NCAM1: variants seen among roughly 807,000 people sequenced by gnomAD.
NCAM1 encodes neural cell adhesion molecule 1.
In NCAM1, 14 loss-of-function variants were observed where a neutral mutation model predicts 109.8. That is an observed-to-expected ratio of 0.13 (90% CI 0.08 to 0.20). The LOEUF (loss-of-function observed/expected upper bound fraction) is 0.20, where lower values mean the gene tolerates loss of function less well. Among genes scored for constraint, NCAM1 ranks in the 10% least tolerant of loss-of-function variants. The pLI is 1.00. For synonymous variants in NCAM1, 418 were observed against 442.9 expected (o/e 0.94, Z 0.70); for missense variants, 774 against 1,109.9 (o/e 0.70, Z 4.30).
At chr11:113,033,339 GTTC>G (rs1400393842) in intron 1 of NCAM1, among the ~76,000 whole-genome samples, 21 of 152,080 alleles carry the variant, frequency 1.4e-4, no homozygotes, top group Non-Finnish European at 2.6e-4. Flanking sequence ...TGTTGTTGTT[GTTC>G]TTATGAAAAT....
intron 1 of NCAM1, among the ~76,000 whole-genome samples, chr11:112,982,519 A>T (rs1289796954): frequency 6.6e-6 from 1 of 151,832 alleles, no homozygotes; most frequent in Admixed American, 6.6e-5. Flanking sequence ...TACAGTCTGG[A>T]AAACCAGTAG....
intron 1 of NCAM1, among the ~76,000 whole-genome samples, chr11:113,074,886 C>T (rs1555085853): frequency 1.3e-5 from 2 of 152,184 alleles, no homozygotes; most frequent in South Asian, 2.1e-4. Context: ...CCCGCCTCGG[C>T]CTCCCAAAGT....
chr11:113,220,561 T>C (rs1051102862), intron 8 of NCAM1, among the ~76,000 whole-genome samples: 1 of 148,190 alleles, frequency 6.7e-6, no homozygotes, highest in Non-Finnish European at 1.5e-5. Flanking sequence ...AGCTGCCTTA[T>C]AAAATCCAAA....
chr11:113,070,126 A>G lies in NCAM1; in HGVS notation c.52+108462A>G, dbSNP rs149532923. ...GTGAGCCAATGAGAAGGTCATAGCT[A>G]GGATAAGCCTAGTGTCATTGCACGT... On this transcript the variant is annotated intron_variant, in intron 1 of 19. Coordinates refer to ENST00000316851, the MANE Select transcript of NCAM1 (RefSeq NM_181351.5). Among the ~76,000 whole-genome samples, 124 of 152,260 alleles carry G rather than the reference A, an allele frequency of 8.1e-4. No homozygotes were observed. The East Asian group carries it at 0.024, about 29-fold the overall frequency.
chr11:113,264,708 C>G (rs561598075), intron 17 of NCAM1: 370 of 985,356 alleles, frequency 3.8e-4, no homozygotes, highest in Middle Eastern at 2.6e-3. Flanking sequence ...CTTTGGAGAT[C>G]TCGTCCTAAG....
intron 1 of NCAM1, among the ~76,000 whole-genome samples, chr11:113,059,964 C>T (rs1164055987): frequency 1.3e-5 from 2 of 152,172 alleles, no homozygotes; most frequent in African/African-American, 4.8e-5. Context: ...ACATATCTCC[C>T]TTATACAGGG....
chr11:113,233,980 G>T lies in NCAM1; in HGVS notation c.1693+663G>T, dbSNP rs557013274. Among the ~76,000 whole-genome samples the T allele has an allele frequency of 6.6e-6, 1 of 152,156 alleles. No homozygotes were observed. Among genetic ancestry groups the T allele is most frequent in the Non-Finnish European group, 1.5e-5 (1 of 68,042 alleles). On this transcript the variant is annotated intron_variant, in intron 13 of 19. Transcript: ENST00000316851. This position sits in a 1 kb window ranked among gnomAD's most constrained non-coding sequence, Gnocchi z 4.5. ...TGTACAAATTTTTAATCCTGGTCTC[G>T]TATGTGGTAATTCGAGTGGAATTGG...
At chr11:113,099,929 T>G (rs1939793509) in intron 1 of NCAM1, among the ~76,000 whole-genome samples, 1 of 152,168 alleles carries the variant, frequency 6.6e-6, no homozygotes. Flanking sequence ...CCTCGTGATC[T>G]GCCCGCCTCG....
At chr11:112,997,993 G>T (rs906128380) in intron 1 of NCAM1, among the ~76,000 whole-genome samples, 1 of 152,130 alleles carries the variant, frequency 6.6e-6, no homozygotes, top group South Asian at 2.1e-4. Context: ...CTGCATGTCC[G>T]AGGGAAGGAA....
chr11:112,969,229 G>A (rs546156625), intron 1 of NCAM1, among the ~76,000 whole-genome samples: 1 of 152,232 alleles, frequency 6.6e-6, no homozygotes, highest in African/African-American at 2.4e-5. Context: ...TGTGAGAGTA[G>A]TGGGGAGGAG....
chr11:113,088,279 T>C (rs1939178364), intron 1 of NCAM1, among the ~76,000 whole-genome samples: 1 of 152,240 alleles, frequency 6.6e-6, no homozygotes, highest in African/African-American at 2.4e-5. Flanking sequence ...AAAGGAATTA[T>C]ATATATTCCT....
At chr11:113,166,305 T>A (rs1591380663) in intron 1 of NCAM1, among the ~76,000 whole-genome samples, 1 of 152,260 alleles carries the variant, frequency 6.6e-6, no homozygotes, top group African/African-American at 2.4e-5. Context: ...AGGGTCAAGA[T>A]CTGTGAAAGG....
At chr11:113,254,340 T>G (rs1204375042) in intron 15 of NCAM1, among the ~76,000 whole-genome samples, 2 of 152,218 alleles carry the variant, frequency 1.3e-5, no homozygotes, top group Admixed American at 1.3e-4. Context: ...AAACAAATAA[T>G]AAGCACAACT....
At chr11:113,012,011 CCTTT>C (rs1352281218) in intron 1 of NCAM1, among the ~76,000 whole-genome samples, 26 of 141,818 alleles carry the variant, frequency 1.8e-4, no homozygotes, top group African/African-American at 4.5e-4. Flanking sequence ...TTCCTTCCTT[CCTTT>C]CTTTCCTCTT....
At chr11:112,982,450 A>T (rs1239740576) in intron 1 of NCAM1, among the ~76,000 whole-genome samples, 2 of 151,902 alleles carry the variant, frequency 1.3e-5, no homozygotes, top group Non-Finnish European at 2.9e-5. Context: ...GAATGACTTG[A>T]TGGGAGCATG....
rs372827403 is a variant in NCAM1 at position 113,272,950 on chromosome 11, C to T, written c.2456+1074C>T. On this transcript the variant is annotated intron_variant, in intron 19 of 19. Transcript: ENST00000316851. ...TCCCACAGGCTGCCTGCCGACACTA[C>T]GGCCACTGTCGAGGACATGCTGCCT... The T allele has an allele frequency of 1.6e-3, 713 of 456,854 alleles. 7 individuals are homozygous for T. In the Middle Eastern group the frequency reaches 0.036, roughly 23 times the overall value. 28.3% of individuals were successfully genotyped at this position (456,854 alleles called of 1,614,324 possible).
At chr11:113,240,856 ATC>A in intron 14 of NCAM1, 1 of 1,606,968 alleles carries the variant, frequency 6.2e-7, no homozygotes, top group South Asian at 1.1e-5. Context: ...TTCTTCATCC[ATC>A]TCTCTGCAGG....
intron 14 of NCAM1, 100 bp downstream of exon 14, chr11:113,235,264 C>G (rs564342806): frequency 2.5e-6 from 4 of 1,605,574 alleles, no homozygotes; most frequent in East Asian, 2.2e-5. Flanking sequence ...CAGACCACAG[C>G]TTTTTGTCTT....
intron 1 of NCAM1, among the ~76,000 whole-genome samples, chr11:113,010,278 T>C (rs931173506): frequency 6.6e-6 from 1 of 152,190 alleles, no homozygotes; most frequent in East Asian, 1.9e-4. Context: ...TATGATTTGG[T>C]TTTAAAAAAT....
Sources: allele counts gnomAD v4.1 joint callset (sites outside exome capture counted in the v4.1 genomes callset), GRCh38; gene constraint gnomAD v4.1.1; non-coding constraint Gnocchi (gnomAD v3.1); transcripts MANE v1.5; gene names NCBI Gene and HGNC (gene_info 2026-07-23, HGNC 2026-07-21).